The following PGM3 variants were observed in gnomAD, a reference collection of about 807,000 sequenced individuals.
PGM3 encodes phosphoglucomutase 3.
PGM3 carries 40 observed loss-of-function variants against 66.2 expected under a neutral mutation model. That is an observed-to-expected ratio of 0.60 (90% CI 0.47 to 0.79). The LOEUF (loss-of-function observed/expected upper bound fraction) is 0.79, where lower values mean the gene tolerates loss of function less well. PGM3 is among the 30% of genes least tolerant of loss of function. PGM3 has a pLI of 0.00. For synonymous variants in PGM3, 191 were observed against 224.2 expected (o/e 0.85, Z 1.32); for missense variants, 537 against 643.4 (o/e 0.83, Z 1.79).
In PGM3 at chr6:83,176,216, C is replaced by G. The variant is rs1787752478; in HGVS notation, c.1030-156G>C. The G allele has an allele frequency of 1.5e-5, 8 of 548,078 alleles. No homozygotes were observed. The South Asian group carries it at 1.5e-4, about 10-fold the overall frequency. 34.0% of individuals were successfully genotyped at this position (548,078 alleles called of 1,614,324 possible). On this transcript the variant is annotated intron_variant, in intron 8 of 12. Coordinates refer to ENST00000513973, the MANE Select transcript of PGM3 (RefSeq NM_015599.3). ...ATTAAAATACAAAATGGTACGTATA[C>G]AATGGAAGCATGAACACACTCTGGA... is the stretch of plus-strand genomic sequence containing the variant.
rs756395399 is a variant in PGM3, at chr6:83,166,491, A to C, written c.*2743T>G. On this transcript the variant is annotated 3_prime_UTR_variant, in exon 13 of 13. Transcript: ENST00000513973. ...CCTATTTTGAACTCAGAAAATCGCT[A>C]AATTTGATTTTTGTCTAACATCATT... is the stretch of plus-strand genomic sequence containing the variant. 1.4e-6 allele frequency: 1 copy of C among 698,394 alleles called. No individual in the cohort carries two copies. Among genetic ancestry groups the C allele is most frequent in the Non-Finnish European group, 2.6e-6 (1 of 384,246 alleles). 43.3% of individuals were successfully genotyped at this position (698,394 alleles called of 1,614,324 possible).
the PGM3 span, chr6:83,152,398 C>A: frequency 3.0e-6 from 3 of 1,008,518 alleles, no homozygotes; most frequent in Admixed American, 2.8e-5. Flanking sequence ...CATGAACTCT[C>A]AAGTAGACTG....
rs1484714843 is a variant in PGM3, at chr6:83,190,867, C to A, written c.146G>T (p.Arg49Met). The change falls in exon 2 of 13, where the codon AGG becomes ATG. Residue 49 changes from arginine to methionine, a missense_variant. Transcript: ENST00000513973. ...TATAGTGGATTTTGTCTGTTTTGAC[C>A]TCAGGACAGCTAATAATCCCATGCG... ...MFRMGLLAVL[R>M]SKQTKSTIGV... 6.2e-7 allele frequency: 1 copy of A among 1,613,948 alleles called. No homozygotes were observed. Among genetic ancestry groups the A allele is most frequent in the East Asian group, 2.2e-5 (1 of 44,868 alleles).
intron 2 of PGM3, chr6:83,190,504 A>C (rs2128508556): frequency 2.7e-6 from 1 of 363,638 alleles, no homozygotes; most frequent in East Asian, 5.5e-5. Flanking sequence ...TGCTAAGTTA[A>C]CAAAGGAAAC....
intron 5 of PGM3, 133 bp downstream of exon 5, chr6:83,182,712 A>G (rs1788272577): frequency 1.2e-6 from 1 of 839,934 alleles, no homozygotes; most frequent in Non-Finnish European, 1.9e-6. Context: ...AGCCCTAGAG[A>G]AAAACAAAAA....
intron 2 of PGM3, among the ~76,000 whole-genome samples, 163 bp from the exon 3 acceptor site, chr6:83,188,961 G>A (rs533807411): frequency 9.9e-5 from 15 of 152,240 alleles, no homozygotes; most frequent in African/African-American, 2.9e-4. Context: ...GGTATTTTAT[G>A]TATATATATT....
In PGM3 at chr6:83,181,845, G is replaced by C; in HGVS notation, c.678C>G (p.His226Gln). The change falls in exon 6 of 13, where the codon CAC becomes CAG. Residue 226 changes from histidine (H) to glutamine (Q), a missense_variant. By Grantham distance (24) the His-to-Gln change is conservative. Coordinates refer to ENST00000513973, the MANE Select transcript of PGM3 (RefSeq NM_015599.3). ...IGALKLREME[H>Q]YFSQGLSVQL... ...GAACTGACAGGCCCTGTGAGAAGTA[G>C]TGTTCCATTTCCCTTAGCTTCAGGG... The C allele has an allele frequency of 6.2e-7, 1 of 1,613,930 alleles. No individual in the cohort carries two copies. The highest frequency in any genetic ancestry group is 8.5e-7 in the Non-Finnish European group (1 of 1,179,786).
chr6:83,183,731 ATTTT>A (rs909606033), intron 4 of PGM3, among the ~76,000 whole-genome samples: 1 of 147,800 alleles, frequency 6.8e-6, no homozygotes, highest in South Asian at 2.2e-4. Context: ...TTTGTCATGA[ATTTT>A]TTTTTTTTGA....
intron 4 of PGM3, among the ~76,000 whole-genome samples, chr6:83,184,128 T>A (rs551628712): frequency 6.6e-6 from 1 of 152,230 alleles, no homozygotes; most frequent in South Asian, 2.1e-4. Flanking sequence ...AAACGTCCCA[T>A]AATTTTCAAA....
downstream of PGM3, chr6:83,164,638 G>A (rs1428271944): frequency 1.3e-6 from 2 of 1,558,752 alleles, no homozygotes. Flanking sequence ...AAGGCTGTGA[G>A]TTCTCCTCTT....
chr6:83,169,008 T>C lies in PGM3; in HGVS notation c.*226A>G, dbSNP rs1268625639. ...ATTGTATACTTAAGTCCCAGTATTT[T>C]ACATTAGTGAGACTGAAATTAGAGG... On this transcript the variant is annotated 3_prime_UTR_variant, in exon 13 of 13. Transcript: ENST00000513973. The C allele has an allele frequency of 2.3e-6, 3 of 1,326,642 alleles. No individual in the cohort carries two copies. The East Asian group carries it at 8.8e-5, about 39-fold the overall frequency. 82.2% of individuals were successfully genotyped at this position (1,326,642 alleles called of 1,614,324 possible).
chr6:83,184,428 G>A (rs12333004), intron 4 of PGM3, among the ~76,000 whole-genome samples: 5,188 of 152,246 alleles, frequency 0.034, 228 homozygotes, highest in African/African-American at 0.097. Context: ...AGATGGAGAA[G>A]CTCAAAAAAT....
chr6:83,153,016 C>G, the PGM3 span, among the ~76,000 whole-genome samples: 1 of 152,088 alleles, frequency 6.6e-6, no homozygotes, highest in East Asian at 1.9e-4. Context: ...CTTTTTTATA[C>G]CCTATTATAC....
intron 7 of PGM3, among the ~76,000 whole-genome samples, chr6:83,179,425 C>A (rs1788015047): frequency 6.6e-6 from 1 of 151,436 alleles, no homozygotes. Flanking sequence ...TCTAAAATAG[C>A]AAAATGAAAC....
chr6:83,188,460 C>G, intron 3 of PGM3, 154 bp downstream of exon 3: 1 of 605,018 alleles, frequency 1.7e-6, no homozygotes, highest in Non-Finnish European at 2.9e-6. Flanking sequence ...AGTGACTTAG[C>G]TACTACATCC....
the PGM3 span, chr6:83,153,804 T>C: frequency 7.4e-7 from 1 of 1,344,756 alleles, no homozygotes; most frequent in Non-Finnish European, 1.0e-6. Context: ...TTCATGTCAC[T>C]GTCTTAGGTA....
chr6:83,164,520 C>A, downstream of PGM3: 1 of 804,280 alleles, frequency 1.2e-6, no homozygotes, highest in Non-Finnish European at 2.1e-6. Flanking sequence ...GTCTTTTGCC[C>A]AAAATTTGTC....
downstream of PGM3, chr6:83,158,415 C>T (rs1783355889): frequency 1.5e-6 from 1 of 655,898 alleles, no homozygotes; most frequent in Non-Finnish European, 2.7e-6. Context: ...GCTAAATTTG[C>T]AGTTTTACCT....
chr6:83,178,521 A>C (rs540469408), intron 8 of PGM3, 152 bp downstream of exon 8: 4 of 597,406 alleles, frequency 6.7e-6, no homozygotes, highest in Non-Finnish European at 5.9e-6. Context: ...AAGGACAACT[A>C]AATTTTTTCT....
Sources: gnomAD v4.1 joint callset for allele counts (sites outside exome capture counted in the v4.1 genomes callset) on GRCh38, gnomAD v4.1.1 for gene constraint, MANE v1.5 for transcripts, NCBI Gene and HGNC (gene_info 2026-07-23, HGNC 2026-07-21) for gene names.